SLIT1: variants seen among roughly 807,000 people sequenced by gnomAD.
SLIT1 encodes the protein slit homolog 1 protein.
In SLIT1, 66 loss-of-function variants were observed where a neutral mutation model predicts 186.1. The observed-to-expected ratio is 0.35, with a 90% CI of 0.29 to 0.44. SLIT1 has a LOEUF of 0.44. Among genes scored for constraint, SLIT1 ranks in the 20% least tolerant of loss-of-function variants. The probability of loss-of-function intolerance (pLI) is 1.00; values close to 1 mark genes in which losing one functional copy is unlikely to be tolerated. For synonymous variants in SLIT1, 761 were observed against 833.8 expected (o/e 0.91, Z 1.50); for missense variants, 1,638 against 2,037.4 (o/e 0.80, Z 3.77).
chr10:97,034,651 G>C, intron 22 of SLIT1, 109 bp from the exon 23 acceptor site: 1 of 998,588 alleles, frequency 1.0e-6, no homozygotes, highest in South Asian at 1.3e-5. Flanking sequence ...CCCCAGCCAG[G>C]TTGGCCAGGG....
chr10:97,019,544 G>A (rs761649641), intron 26 of SLIT1, among the ~76,000 whole-genome samples: 40 of 152,186 alleles, frequency 2.6e-4, no homozygotes, highest in Non-Finnish European at 2.8e-4. Flanking sequence ...TGGTCACCTC[G>A]GCAGAGAGGA....
At chr10:97,014,758 C>G (rs562046145) in intron 28 of SLIT1, among the ~76,000 whole-genome samples, 1 of 151,736 alleles carries the variant, frequency 6.6e-6, no homozygotes, top group African/African-American at 2.4e-5. Flanking sequence ...CCCAACTACT[C>G]GGGAGGCTGA....
intron 1 of SLIT1, 45 bp downstream of exon 1, chr10:97,185,433 G>A (rs1441848943): frequency 6.3e-7 from 1 of 1,580,120 alleles, no homozygotes; most frequent in Admixed American, 1.7e-5. Context: ...CTGGGTGGGA[G>A]GGCAACCTCG....
At chr10:97,032,344 G>A (rs183357271) in intron 23 of SLIT1, among the ~76,000 whole-genome samples, 17 of 152,200 alleles carry the variant, frequency 1.1e-4, no homozygotes, top group Non-Finnish European at 2.1e-4. Flanking sequence ...TGAGGTGGGC[G>A]GATCACCTGA....
chr10:97,127,296 AAAAG>A, intron 4 of SLIT1, among the ~76,000 whole-genome samples: 2 of 152,336 alleles, frequency 1.3e-5, no homozygotes, highest in Middle Eastern at 6.8e-3. Context: ...AAAAAAAAAA[AAAAG>A]GTTTTGAAGT....
chr10:97,179,593 G>C (rs1398831311), intron 1 of SLIT1, among the ~76,000 whole-genome samples: 3 of 152,198 alleles, frequency 2.0e-5, no homozygotes, highest in African/African-American at 7.2e-5. Flanking sequence ...GCCTGGGCTG[G>C]TAGCCACTGT....
At position 97,085,144 on chromosome 10, in the gene SLIT1, C is replaced by T. The variant is rs537321213; in HGVS notation, c.414-19058G>A. ...TTCACCGTGTTAGCCAGGATGGTCT[C>T]AATCTCCTGACCTCGTGATCCACCC... is the stretch of plus-strand genomic sequence containing the variant. On this transcript the variant is annotated intron_variant, in intron 4 of 36. Coordinates refer to ENST00000266058, the MANE Select transcript of SLIT1 (RefSeq NM_003061.3). Among the ~76,000 whole-genome samples, 3 of 151,994 alleles carry T rather than the reference C, an allele frequency of 2.0e-5. No individual in the cohort carries two copies. In the South Asian group the frequency reaches 6.2e-4, roughly 32 times the overall value.
chr10:97,101,966 C>T (rs1368249851), intron 4 of SLIT1: 1 of 152,204 alleles, frequency 6.6e-6, no homozygotes, highest in East Asian at 1.9e-4. Context: ...AGGGTGATCC[C>T]TATTTTCCTG....
rs989883901 is a variant in SLIT1 at position 97,060,676 on chromosome 10, G to A, written c.905C>T (p.Ala302Val). ...IVDCRGKGLTAIPANLPETMT... is the reference protein window; with the variant it reads ...IVDCRGKGLTVIPANLPETMT... ...GGTCTCGGGCAGGTTGGCCGGGATGGCAGTGAGGCCTTTTCCACGACAGTC... is the reference window on the plus strand; with the variant it reads ...GGTCTCGGGCAGGTTGGCCGGGATGACAGTGAGGCCTTTTCCACGACAGTC... Residue 302 changes from alanine to valine, a missense_variant, in exon 9 of 37, where the codon GCC becomes GTC. Physicochemically the swap from Ala to Val is moderately conservative, Grantham distance 64. This residue lies in a region of SLIT1 where 1,245 missense variants were observed against 1,535.3 expected (regional missense o/e 0.81). Coordinates refer to ENST00000266058, the MANE Select transcript of SLIT1 (RefSeq NM_003061.3). 1 of 1,613,378 alleles carries A rather than the reference G, an allele frequency of 6.2e-7. No homozygotes were observed. Among genetic ancestry groups the A allele is most frequent in the African/African-American group, 1.3e-5 (1 of 74,940 alleles).
chr10:97,034,207 C>A (rs139897194), intron 23 of SLIT1, among the ~76,000 whole-genome samples: 1 of 152,136 alleles, frequency 6.6e-6, no homozygotes, highest in Non-Finnish European at 1.5e-5. Flanking sequence ...TGTGTGCTAG[C>A]TTTATGATTA....
chr10:97,019,048 T>C lies in SLIT1; in HGVS notation c.2806A>G (p.Asn936Asp). The C allele has an allele frequency of 6.2e-7, 1 of 1,613,960 alleles. No individual in the cohort carries two copies. Among genetic ancestry groups the C allele is most frequent in the African/African-American group, 1.3e-5 (1 of 74,982 alleles). Residue 936 changes from asparagine (N) to aspartate (D), a missense_variant, in exon 27 of 37, where the codon AAC becomes GAC. By Grantham distance (23) the Asn-to-Asp change is conservative (BLOSUM62 1). Around this residue, in one of 3 missense-constraint regions of SLIT1, gnomAD observed 1,245 missense variants for 1,535.3 expected, o/e 0.81. Transcript: ENST00000266058. The stretch of plus-strand genomic sequence containing the variant: ...GGGTCGTTGTGGCAGGTGCCCTGGT[T>C]CTGGCACGGACTGGACAAGCAGAGA... ...CDLCLSSPCQNQGTCHNDPLE... is the reference protein window; with the variant it reads ...CDLCLSSPCQDQGTCHNDPLE...
chr10:97,153,136 C>G (rs1301623288), intron 4 of SLIT1: 2 of 152,206 alleles, frequency 1.3e-5, no homozygotes, highest in Admixed American at 6.5e-5. Flanking sequence ...CTCTTCAGGG[C>G]CCCTAGAAGG....
intron 20 of SLIT1, 66 bp downstream of exon 20, chr10:97,042,835 C>A (rs925327069): frequency 6.4e-7 from 1 of 1,551,796 alleles, no homozygotes; most frequent in Non-Finnish European, 8.8e-7. Context: ...ATCTTCCTCA[C>A]CTGCCCCACC....
chr10:97,048,280 T>C (rs1848754736), intron 14 of SLIT1, among the ~76,000 whole-genome samples: 1 of 152,128 alleles, frequency 6.6e-6, no homozygotes, highest in Non-Finnish European at 1.5e-5. Context: ...ATTTTACAGG[T>C]GGGGACGGGG....
At chr10:97,012,659 G>GC (rs1354399421) in intron 30 of SLIT1, among the ~76,000 whole-genome samples, 1 of 152,216 alleles carries the variant, frequency 6.6e-6, no homozygotes, top group Non-Finnish European at 1.5e-5. Flanking sequence ...ACCCCTGGGA[G>GC]CCCCCACAGG....
At chr10:97,024,313 C>A (rs1253215143) in intron 25 of SLIT1, among the ~76,000 whole-genome samples, 3 of 152,160 alleles carry the variant, frequency 2.0e-5, no homozygotes, top group African/African-American at 7.2e-5. Context: ...TGGACTCCGG[C>A]CCCCATGCAG....
Position 97,174,467 on chromosome 10 carries a change from C to G in SLIT1, c.198-9577G>C, listed in dbSNP as rs188381770. ...CTCCCAGCATCCCAGTCCTCCAACC[C>G]ACCAGGCTGAGCCACAGCCAGACAC... On this transcript the variant is annotated intron_variant, in intron 1 of 36. Coordinates refer to ENST00000266058, the MANE Select transcript of SLIT1 (RefSeq NM_003061.3). Among the ~76,000 whole-genome samples, 592 of 152,334 alleles carry G rather than the reference C, an allele frequency of 3.9e-3. 10 individuals carry two copies. The highest frequency in any genetic ancestry group is 0.014 in the African/African-American group (578 of 41,572).
intron 26 of SLIT1, among the ~76,000 whole-genome samples, chr10:97,019,525 G>A (rs140987706): frequency 6.6e-6 from 1 of 152,198 alleles, no homozygotes; most frequent in African/African-American, 2.4e-5. Context: ...TGACTAGGAG[G>A]ACAGAAGGTG....
chr10:97,045,028 C>A (rs1258847282), intron 18 of SLIT1, among the ~76,000 whole-genome samples: 1 of 152,122 alleles, frequency 6.6e-6, no homozygotes, highest in Non-Finnish European at 1.5e-5. Context: ...TGTGAGGACA[C>A]AATGAGAAGT....
Sources: allele counts gnomAD v4.1 joint callset (sites outside exome capture counted in the v4.1 genomes callset), GRCh38; gene constraint gnomAD v4.1.1; regional missense constraint gnomAD v4.1.1; transcripts MANE v1.5; gene names NCBI Gene and HGNC (gene_info 2026-07-23, HGNC 2026-07-21).